The following GLIS3 variants were observed in gnomAD, a reference collection of about 807,000 sequenced individuals.
GLIS3 encodes GLIS family zinc finger 3.
Under a neutral mutation model 78.6 loss-of-function variants are expected in GLIS3, and 53 were observed. That is an observed-to-expected ratio of 0.67 (90% CI 0.54 to 0.85). The LOEUF (loss-of-function observed/expected upper bound fraction) is 0.85. GLIS3 is among the 40% of genes least tolerant of loss of function. The pLI, the probability that GLIS3 is intolerant of heterozygous loss-of-function variation, is 0.00. For synonymous variants in GLIS3, 684 were observed against 509.9 expected (o/e 1.34, Z -4.60); for missense variants, 1,703 against 1,231.1 (o/e 1.38, Z -5.74).
chr9:4,181,548 A>C (rs755846373), intron 2 of GLIS3, among the ~76,000 whole-genome samples: 23 of 152,148 alleles, frequency 1.5e-4, no homozygotes, highest in Non-Finnish European at 2.4e-4. Flanking sequence ...TATATTTAGA[A>C]ATTTTCCCAC....
intron 1 of GLIS3, among the ~76,000 whole-genome samples, chr9:4,291,804 C>A (rs183818770): frequency 1.3e-5 from 2 of 152,144 alleles, no homozygotes; most frequent in African/African-American, 2.4e-5. Context: ...GTTCAATAAC[C>A]TCTCTTAGAA....
chr9:3,938,847 G>A (rs1345231068), intron 4 of GLIS3, among the ~76,000 whole-genome samples: 1 of 152,142 alleles, frequency 6.6e-6, no homozygotes, highest in Non-Finnish European at 1.5e-5. Flanking sequence ...GCTCATTTCT[G>A]CAGCTTTTCA....
the GLIS3 span, among the ~76,000 whole-genome samples, chr9:4,436,847 G>C: frequency 2.7e-5 from 4 of 147,706 alleles, no homozygotes; most frequent in Non-Finnish European, 6.0e-5. Flanking sequence ...GAGATAGAAG[G>C]CAAGAATTTT....
At chr9:3,864,157 C>T (rs911477035) in intron 8 of GLIS3, among the ~76,000 whole-genome samples, 12 of 152,130 alleles carry the variant, frequency 7.9e-5, no homozygotes, top group South Asian at 6.2e-4. Context: ...AAAAAAAAAT[C>T]TGCAATGATA....
intron 2 of GLIS3, among the ~76,000 whole-genome samples, chr9:4,257,102 T>C (rs1563843901): frequency 6.6e-6 from 1 of 152,218 alleles, no homozygotes; most frequent in Non-Finnish European, 1.5e-5. Flanking sequence ...TATGTATGTA[T>C]ACCACAACTT....
chr9:4,280,183 C>G (rs1827418042), intron 2 of GLIS3, among the ~76,000 whole-genome samples: 1 of 152,094 alleles, frequency 6.6e-6, no homozygotes, highest in Non-Finnish European at 1.5e-5. Context: ...ACACACCCAG[C>G]TAATTATTTT....
intron 2 of GLIS3, among the ~76,000 whole-genome samples, chr9:4,256,367 A>G (rs557878912): frequency 1.3e-5 from 2 of 152,370 alleles, no homozygotes; most frequent in African/African-American, 4.8e-5. Flanking sequence ...TAATTTGCAT[A>G]AGCTAAGAAA....
At chr9:4,431,288 G>C in the GLIS3 span, among the ~76,000 whole-genome samples, 1 of 152,196 alleles carries the variant, frequency 6.6e-6, no homozygotes, top group Non-Finnish European at 1.5e-5. Flanking sequence ...GGAATTGTTT[G>C]GTTGCCATCC....
At chr9:3,952,022 C>G (rs905791293) in intron 4 of GLIS3, among the ~76,000 whole-genome samples, 1 of 151,986 alleles carries the variant, frequency 6.6e-6, no homozygotes, top group East Asian at 1.9e-4. Flanking sequence ...AGAGGGGAAA[C>G]CAGAAACTGC....
chr9:3,836,106 G>A (rs948904683), intron 9 of GLIS3, among the ~76,000 whole-genome samples: 7 of 152,238 alleles, frequency 4.6e-5, no homozygotes, highest in African/African-American at 1.7e-4. Flanking sequence ...GGCCCTGTCT[G>A]CTGATGGCAG....
intron 2 of GLIS3, among the ~76,000 whole-genome samples, chr9:4,218,502 T>G (rs1821051524): frequency 6.6e-6 from 1 of 152,174 alleles, no homozygotes; most frequent in South Asian, 2.1e-4. Context: ...ATGGTCTTGA[T>G]CTCTTGACCT....
At chr9:4,269,020 C>A (rs1826264817) in intron 2 of GLIS3, among the ~76,000 whole-genome samples, 1 of 152,202 alleles carries the variant, frequency 6.6e-6, no homozygotes, top group Non-Finnish European at 1.5e-5. Context: ...ACCATAGCAG[C>A]CTCTTTCCCT....
intron 4 of GLIS3, among the ~76,000 whole-genome samples, chr9:3,962,154 G>A (rs1269019237): frequency 6.6e-6 from 1 of 152,028 alleles, no homozygotes; most frequent in Admixed American, 6.5e-5. Flanking sequence ...CAGGAGTTTG[G>A]GGCTGCCGTG....
rs181482939 is a variant in GLIS3, at chr9:3,926,376, G to A, written c.1983+5984C>T. On this transcript the variant is annotated intron_variant, in intron 6 of 10. Transcript: ENST00000381971. The stretch of plus-strand genomic sequence containing the variant: ...CTCCAGAGTAGCTGGGACTAAAGGC[G>A]CCAGCCACCACGCCTGGCTAATTTT... 4.1e-3 allele frequency among the ~76,000 whole-genome samples: 615 copies of A among 151,658 alleles called. 2 individuals are homozygous for A. Among genetic ancestry groups the A allele is most frequent in the African/African-American group, 0.014 (567 of 41,376 alleles).
At chr9:4,005,770 T>A (rs1485315678) in intron 4 of GLIS3, among the ~76,000 whole-genome samples, 1 of 152,194 alleles carries the variant, frequency 6.6e-6, no homozygotes, top group African/African-American at 2.4e-5. Context: ...TATATCCATA[T>A]AAAAGAAAAT....
chr9:4,124,213 G>A (rs897595298), intron 3 of GLIS3, among the ~76,000 whole-genome samples: 11 of 152,004 alleles, frequency 7.2e-5, no homozygotes, highest in African/African-American at 2.7e-4. Context: ...TCCATAGAAG[G>A]ACTCAAATAA....
At chr9:4,329,347 T>A (rs926139254) in intron 2 of GLIS3, among the ~76,000 whole-genome samples, 1 of 152,242 alleles carries the variant, frequency 6.6e-6, no homozygotes, top group Non-Finnish European at 1.5e-5. Flanking sequence ...CGATAATTAA[T>A]GTTTTCATTT....
At chr9:4,414,345 G>C in the GLIS3 span, among the ~76,000 whole-genome samples, 1 of 152,086 alleles carries the variant, frequency 6.6e-6, no homozygotes, top group Non-Finnish European at 1.5e-5. Context: ...CAGAGAAACC[G>C]TAACTCAATG....
intron 2 of GLIS3, among the ~76,000 whole-genome samples, chr9:4,332,731 T>A (rs535594174): frequency 1.3e-5 from 2 of 152,368 alleles, no homozygotes; most frequent in African/African-American, 4.8e-5. Context: ...GGAGTCAGCC[T>A]CATGTGCTCT....
Sources: allele counts gnomAD v4.1 joint callset (sites outside exome capture counted in the v4.1 genomes callset), GRCh38; gene constraint gnomAD v4.1.1; transcripts MANE v1.5; gene names NCBI Gene and HGNC (gene_info 2026-07-23, HGNC 2026-07-21).